SUPT3H: variants seen among roughly 807,000 people sequenced by gnomAD.
SUPT3H encodes SPT3 homolog, SAGA and STAGA complex component.
A neutral mutation model predicts 44.3 loss-of-function variants in SUPT3H; 44 were observed. The ratio of observed to expected loss-of-function variants is 0.99; its 90% CI spans 0.78 to 1.28. The LOEUF (loss-of-function observed/expected upper bound fraction) is 1.28. Among genes scored for constraint, SUPT3H ranks in the 50% most tolerant of loss-of-function variants. The pLI, the probability that SUPT3H is intolerant of heterozygous loss-of-function variation, is 0.00. For synonymous variants in SUPT3H, 124 were observed against 125.6 expected, an observed-to-expected ratio of 0.99 and a Z score of 0.09; for missense variants, 380 against 387.1, an observed-to-expected ratio of 0.98 and a Z score of 0.15.
At chr6:45,203,640 G>C (rs1317724507) in intron 2 of SUPT3H, among the ~76,000 whole-genome samples, 1 of 152,058 alleles carries the variant, frequency 6.6e-6, no homozygotes, top group Non-Finnish European at 1.5e-5. Context: ...ATAATGTCCG[G>C]AATCTTTAAC....
intron 3 of SUPT3H, among the ~76,000 whole-genome samples, chr6:45,051,019 G>A (rs1178971338): frequency 6.6e-6 from 1 of 151,816 alleles, no homozygotes; most frequent in East Asian, 1.9e-4. Context: ...TGAGTAGCTG[G>A]GACTACAGGG....
intron 2 of SUPT3H, among the ~76,000 whole-genome samples, chr6:45,124,112 CAG>C (rs1196525029): frequency 1.3e-5 from 2 of 151,998 alleles, no homozygotes; most frequent in Middle Eastern, 3.2e-3. Context: ...TGCCACTGTT[CAG>C]AGAGGAGAGA....
intron 3 of SUPT3H, among the ~76,000 whole-genome samples, chr6:45,059,617 T>C (rs1791662789): frequency 6.6e-6 from 1 of 152,040 alleles, no homozygotes. Flanking sequence ...AAATAAAGCA[T>C]ATTCAAATAG....
intron 2 of SUPT3H, among the ~76,000 whole-genome samples, chr6:45,239,688 G>A (rs560064969): frequency 1.3e-5 from 2 of 152,200 alleles, no homozygotes; most frequent in Non-Finnish European, 2.9e-5. Context: ...TACAGTGATA[G>A]GCATTACAGC....
intron 2 of SUPT3H, among the ~76,000 whole-genome samples, chr6:45,271,486 A>T (rs1486620997): frequency 1.3e-5 from 2 of 152,146 alleles, no homozygotes; most frequent in East Asian, 3.9e-4. Context: ...GGCAGCTTCC[A>T]CGTGGTGTTG....
chr6:44,892,875 T>C (rs555536528), intron 10 of SUPT3H, among the ~76,000 whole-genome samples: 4 of 152,274 alleles, frequency 2.6e-5, no homozygotes, highest in African/African-American at 9.6e-5. Context: ...AAAATTATAA[T>C]TACTTTCCTT....
intron 2 of SUPT3H, among the ~76,000 whole-genome samples, chr6:45,271,184 A>G (rs1776083720): frequency 6.6e-6 from 1 of 152,218 alleles, no homozygotes; most frequent in South Asian, 2.1e-4. Flanking sequence ...TTCTGGGGAG[A>G]AATTCAAGCC....
At chr6:44,996,708 C>G (rs962407920) in intron 6 of SUPT3H, among the ~76,000 whole-genome samples, 1 of 151,898 alleles carries the variant, frequency 6.6e-6, no homozygotes, top group African/African-American at 2.4e-5. Flanking sequence ...TCTTGAGGAA[C>G]AGCATTTCTC....
intron 10 of SUPT3H, among the ~76,000 whole-genome samples, chr6:44,855,390 G>A (rs10498757): frequency 0.1 from 15,515 of 152,046 alleles, 1,475 homozygotes; most frequent in African/African-American, 0.25. Flanking sequence ...GCTCAGAAAC[G>A]AATACAAACT....
intron 2 of SUPT3H, among the ~76,000 whole-genome samples, chr6:45,282,148 C>A (rs925403750): frequency 1.3e-5 from 2 of 152,108 alleles, no homozygotes; most frequent in African/African-American, 4.8e-5. Context: ...AAAAACAGAG[C>A]AGAAAAACTG....
chr6:44,920,105 C>T (rs577952889), intron 10 of SUPT3H, among the ~76,000 whole-genome samples: 1 of 152,274 alleles, frequency 6.6e-6, no homozygotes, highest in South Asian at 2.1e-4. Context: ...GTCTCCATCT[C>T]CTGACCTCGT....
At chr6:44,899,287 A>C (rs927459070) in intron 10 of SUPT3H, 4 of 152,236 alleles carry the variant, frequency 2.6e-5, no homozygotes, top group Non-Finnish European at 5.9e-5. Context: ...AGTAAGTAAG[A>C]GTCACTTGTA....
At chr6:44,938,449 C>G (rs951706912) in intron 9 of SUPT3H, among the ~76,000 whole-genome samples, 1 of 152,138 alleles carries the variant, frequency 6.6e-6, no homozygotes, top group Non-Finnish European at 1.5e-5. Flanking sequence ...ATTTTTATAT[C>G]AGTACCATGC....
chr6:45,247,082 A>G (rs1047370107), intron 2 of SUPT3H, among the ~76,000 whole-genome samples: 4 of 152,232 alleles, frequency 2.6e-5, no homozygotes, highest in African/African-American at 7.2e-5. Flanking sequence ...AGCTATCCCA[A>G]TGGATCCCAC....
chr6:45,196,834 C>T (rs1816114055), intron 2 of SUPT3H, among the ~76,000 whole-genome samples: 1 of 151,642 alleles, frequency 6.6e-6, no homozygotes, highest in Non-Finnish European at 1.5e-5. Flanking sequence ...GATGAGAATA[C>T]AAAAATGATT....
chr6:44,949,133 C>T (rs554978243), intron 9 of SUPT3H, among the ~76,000 whole-genome samples: 4 of 152,102 alleles, frequency 2.6e-5, no homozygotes, highest in Admixed American at 6.5e-5. Context: ...AGCAAACTAA[C>T]GCAAGGACAG....
At chr6:45,001,430 A>G (rs1230776095) in intron 6 of SUPT3H, among the ~76,000 whole-genome samples, 1 of 152,076 alleles carries the variant, frequency 6.6e-6, no homozygotes, top group East Asian at 1.9e-4. Context: ...CTAGTAAGGC[A>G]AAATGGATGT....
chr6:45,285,038 A>C (rs1778969529), intron 2 of SUPT3H, among the ~76,000 whole-genome samples: 2 of 151,992 alleles, frequency 1.3e-5, no homozygotes, highest in African/African-American at 4.8e-5. Context: ...GAGAAAATTC[A>C]ACAGCCCTTC....
At chr6:45,051,400 T>C (rs545796694) in intron 3 of SUPT3H, among the ~76,000 whole-genome samples, 1 of 152,146 alleles carries the variant, frequency 6.6e-6, no homozygotes, top group South Asian at 2.1e-4. Context: ...AAATAACTTG[T>C]TAGAAATTCA....
Sources: allele counts gnomAD v4.1 joint callset (sites outside exome capture counted in the v4.1 genomes callset), GRCh38; gene constraint gnomAD v4.1.1; transcripts MANE v1.5; gene names NCBI Gene and HGNC (gene_info 2026-07-23, HGNC 2026-07-21).